Variants in CATSPERG observed in about 807,000 individuals in gnomAD.
The protein encoded by CATSPERG is catsper channel auxiliary subunit gamma.
In CATSPERG, 115 loss-of-function variants were observed where a neutral mutation model predicts 145.0. The ratio of observed to expected loss-of-function variants is 0.79; its 90% CI spans 0.68 to 0.93. The LOEUF (loss-of-function observed/expected upper bound fraction) is 0.93. Ranked by LOEUF, CATSPERG falls within the 40% of genes least tolerant of loss-of-function variation. CATSPERG has a pLI of 0.00. For missense variants in CATSPERG, 1,296 were observed against 1,490.1 expected (o/e 0.87, Z 2.14); for synonymous variants, 588 against 589.0 (o/e 1.00, Z 0.02).
At chr19:38,348,463 C>CA (rs1970077791) in intron 7 of CATSPERG, among the ~76,000 whole-genome samples, 3 of 139,654 alleles carry the variant, frequency 2.1e-5, no homozygotes, top group Non-Finnish European at 4.6e-5. Context: ...CCACAAACTT[C>CA]GTTTTTTTTT....
At chr19:38,358,093 G>A in intron 11 of CATSPERG, 185 bp from the exon 12 acceptor site, 1 of 614,978 alleles carries the variant, frequency 1.6e-6, no homozygotes, top group African/African-American at 1.9e-5. Context: ...ACTCCAGCCT[G>A]GGCGACAGGG....
At chr19:38,355,028 T>A (rs970474462) in intron 9 of CATSPERG, among the ~76,000 whole-genome samples, 181 bp downstream of exon 9, 2 of 152,114 alleles carry the variant, frequency 1.3e-5, no homozygotes, top group African/African-American at 4.8e-5. Flanking sequence ...ATGTTATGTA[T>A]CTTTCATGAT....
Position 38,370,646 on chromosome 19 carries a change from G to C in CATSPERG, c.3334G>C (p.Glu1112Gln), listed in dbSNP as rs756261445. The change falls in exon 29 of 29, where the codon GAA (glutamate) becomes CAA (glutamine). Residue 1112 changes from glutamate to glutamine, a missense_variant. Transcript: ENST00000409235. ...GAAGATAAACAACCTCATTGCCTCAGAATCCTACTACACCTACGCCTCCAT... is the reference window on the plus strand; with the variant it reads ...GAAGATAAACAACCTCATTGCCTCACAATCCTACTACACCTACGCCTCCAT... ...RWKINNLIAS[E>Q]SYYTYASISG... 1 of 1,614,128 alleles carries C rather than the reference G, an allele frequency of 6.2e-7. No homozygotes were observed. The highest frequency in any genetic ancestry group is 1.1e-5 in the South Asian group (1 of 91,078).
At chr19:38,343,769 T>C in intron 4 of CATSPERG, 45 bp downstream of exon 4, 1 of 1,523,340 alleles carries the variant, frequency 6.6e-7, no homozygotes. Context: ...GGCAGGGGTG[T>C]GGGGTTTGCT....
intron 6 of CATSPERG, among the ~76,000 whole-genome samples, chr19:38,344,901 A>ATATATT (rs1468159196): frequency 2.5e-5 from 2 of 80,008 alleles, no homozygotes; most frequent in African/African-American, 4.8e-5. Context: ...ATATATATAT[A>ATATATT]TTTTTTTTTT....
rs756947207 is a variant in CATSPERG, at chr19:38,367,237, A to G, written c.2695A>G (p.Ser899Gly). 1.2e-6 allele frequency: 2 copies of G among 1,613,944 alleles called. No individual in the cohort carries two copies. The highest frequency in any genetic ancestry group is 2.2e-5 in the South Asian group (2 of 91,084). Residue 899 changes from serine to glycine, a missense_variant, in exon 23 of 29, where the codon AGC (serine) becomes GGC (glycine). Transcript: ENST00000409235. ...AFDITYTLEY[S>G]RLKNKHYFDC... ...CGACATCACCTACACGCTGGAATAC[A>G]GCCGCCTGAAGAACAAACACTACTT...
At chr19:38,365,402 C>G in intron 22 of CATSPERG, 1 of 366,070 alleles carries the variant, frequency 2.7e-6, no homozygotes, top group South Asian at 3.6e-5. Context: ...TCCCAAGTAG[C>G]TGGGATTATA....
chr19:38,350,522 C>G (rs1041737936), intron 7 of CATSPERG, among the ~76,000 whole-genome samples: 2 of 152,122 alleles, frequency 1.3e-5, no homozygotes, highest in African/African-American at 4.8e-5. Flanking sequence ...GGATTACAGG[C>G]ACGTGTCACC....
rs1406602930 is a variant in CATSPERG at position 38,337,652 on chromosome 19, T to C, written c.324+6T>C. 1 of 1,551,198 alleles carries C rather than the reference T, an allele frequency of 6.4e-7. No homozygotes were observed. Among genetic ancestry groups the C allele is most frequent in the African/African-American group, 1.4e-5 (1 of 73,020 alleles). ...ACTACTCCTGCGAGGAAAAGGTGAG[T>C]GGGTGCAGCACGGATAGGCTCATTC... On this transcript the variant is annotated splice_donor_region_variant and intron_variant, in intron 3 of 28. Transcript: ENST00000409235.
At position 38,364,810 on chromosome 19, in the gene CATSPERG, T is replaced by C; in HGVS notation, c.2476-81T>C. On this transcript the variant is annotated intron_variant, in intron 20 of 28. Coordinates refer to ENST00000409235, the MANE Select transcript of CATSPERG (RefSeq NM_021185.5). The stretch of plus-strand genomic sequence containing the variant: ...ACCAGCCACCACCTCGCCCCAGCTA[T>C]GGGTTATTTGAACTGTTTGTTGGAC... 4 of 1,105,478 alleles carry C rather than the reference T, an allele frequency of 3.6e-6. No homozygotes were observed. In the South Asian group the frequency reaches 3.7e-5, roughly 10 times the overall value. 68.5% of individuals were successfully genotyped at this position (1,105,478 alleles called of 1,614,324 possible). A position where few individuals can be genotyped will look rare whatever the true frequency, so the allele number is the denominator to read the frequency against.
Position 38,352,420 on chromosome 19 carries a change from A to C in CATSPERG, c.985A>C (p.Asn329His). 6.4e-7 allele frequency: 1 copy of C among 1,551,754 alleles called. No homozygotes were observed. The highest frequency in any genetic ancestry group is 8.7e-7 in the Non-Finnish European group (1 of 1,147,058). ...CACCTATACCACACTCTATGAGAGA[A>C]ACCGCGGCAGTGGTGAGTGTGCTGT... The part of the protein sequence containing the change: ...TGTYTTLYER[N>H]RGSGSWIRVL... Residue 329 changes from asparagine to histidine, a missense_variant, in exon 8 of 29, where the codon AAC becomes CAC. Transcript: ENST00000409235.
chr19:38,348,477 G>T (rs201863598), intron 7 of CATSPERG, among the ~76,000 whole-genome samples: 14,818 of 117,152 alleles, frequency 0.13, 591 homozygotes, highest in Middle Eastern at 0.19. Context: ...TTTTTTTTTT[G>T]TTTTTTTTTT....
intron 7 of CATSPERG, among the ~76,000 whole-genome samples, chr19:38,350,026 A>G (rs1490892325): frequency 6.6e-6 from 1 of 152,002 alleles, no homozygotes; most frequent in Admixed American, 6.6e-5. Context: ...TTCTCTCTTC[A>G]CCATCCCCTG....
At chr19:38,339,256 C>T (rs1343072947) in intron 3 of CATSPERG, among the ~76,000 whole-genome samples, 2 of 141,560 alleles carry the variant, frequency 1.4e-5, no homozygotes, top group African/African-American at 5.0e-5. Flanking sequence ...ATCCTGGGAG[C>T]GCAAGGAGCA....
At chr19:38,367,929 C>G (rs771801073) in intron 25 of CATSPERG, 119 bp from the exon 26 acceptor site, 1 of 1,141,208 alleles carries the variant, frequency 8.8e-7, no homozygotes, top group East Asian at 2.4e-5. Context: ...AACTCCTGCC[C>G]GCCCCTAACA....
Position 38,362,412 on chromosome 19 carries a change from G to T in CATSPERG, c.2194G>T (p.Ala732Ser). Residue 732 changes from alanine (A) to serine (S), a missense_variant, in exon 19 of 29, where the codon GCG (alanine) becomes TCG (serine). Ala to Ser is a moderately conservative substitution (Grantham distance 99). Transcript: ENST00000409235. ...YFFLASNWRS[A>S]GGVSIEMDSY... ...CTTCTTGGCGAGCAATTGGCGAAGCGCGGGCGGCGTGTCCATAGAAATGGA... is the reference window on the plus strand; with the variant it reads ...CTTCTTGGCGAGCAATTGGCGAAGCTCGGGCGGCGTGTCCATAGAAATGGA... 1 of 1,614,170 alleles carries T rather than the reference G, an allele frequency of 6.2e-7. No homozygotes were observed.
Position 38,337,092 on chromosome 19 carries a change from G to GGGCCAGGAGCAAGAGCCGGGGCGT in CATSPERG, c.-14-115_-14-92dup, listed in dbSNP as rs1295462778. 53 of 1,155,668 alleles carry GGGCCAGGAGCAAGAGCCGGGGCGT rather than the reference G, an allele frequency of 4.6e-5. No individual in the cohort carries two copies. In the Admixed American group the frequency reaches 1.1e-3, roughly 23 times the overall value. The allele number at this position is 1,155,668 out of a possible 1,614,324, so 71.6% of individuals were successfully genotyped here. A position where few individuals can be genotyped will look rare whatever the true frequency, so the allele number is the denominator to read the frequency against. On this transcript the variant is annotated intron_variant, in intron 1 of 28. Coordinates refer to ENST00000409235, the MANE Select transcript of CATSPERG (RefSeq NM_021185.5). ...GGGACCAAGAGCAAGTGCAGGGGCG[G>GGGCCAGGAGCAAGAGCCGGGGCGT]GGCCAGGAGCAAGAGCCGGGGCGTG...
intron 20 of CATSPERG, among the ~76,000 whole-genome samples, chr19:38,364,280 TCAGA>T (rs1244975437): frequency 4.6e-5 from 7 of 150,582 alleles, no homozygotes; most frequent in Non-Finnish European, 7.4e-5. Flanking sequence ...TCCTCACTTC[TCAGA>T]CAGGGCGGCT....
At chr19:38,362,341 G>T (rs1407769174) in intron 18 of CATSPERG, 35 bp from the exon 19 acceptor site, 2 of 1,613,642 alleles carry the variant, frequency 1.2e-6, no homozygotes, top group Non-Finnish European at 8.5e-7. Flanking sequence ...CCCCACCCCC[G>T]GCGCTGACTC....
Sources: allele counts gnomAD v4.1 joint callset (sites outside exome capture counted in the v4.1 genomes callset), GRCh38; gene constraint gnomAD v4.1.1; transcripts MANE v1.5; gene names NCBI Gene and HGNC (gene_info 2026-07-23, HGNC 2026-07-21).